Variants in ABCG8 observed in about 807,000 individuals in gnomAD.
ABCG8 encodes ATP-binding cassette sub-family G member 8.
A neutral mutation model predicts 71.3 loss-of-function variants in ABCG8; 81 were observed. That is an observed-to-expected ratio of 1.14 (90% confidence interval 0.95 to 1.37). The LOEUF is 1.37. Among genes scored for constraint, ABCG8 ranks in the 40% most tolerant of loss-of-function variants. The pLI, the probability that ABCG8 is intolerant of heterozygous loss-of-function variation, is 0.00. For synonymous variants in ABCG8, 451 were observed against 354.7 expected (o/e 1.27, Z -3.05); for missense variants, 1,119 against 866.2 (o/e 1.29, Z -3.66).
At chr2:43,874,290 T>G (rs570454802) in intron 9 of ABCG8, 117 bp from the exon 10 acceptor site, 5 of 965,632 alleles carry the variant, frequency 5.2e-6, no homozygotes, top group Non-Finnish European at 8.2e-6. Flanking sequence ...AAAAAAAAAA[T>G]TAGAGACTTG....
chr2:43,852,376 T>A lies in ABCG8; in HGVS notation c.584T>A (p.Leu195Gln), dbSNP rs1167870780. 10 of 1,612,148 alleles carry A rather than the reference T, an allele frequency of 6.2e-6. No homozygotes were observed. Among genetic ancestry groups the A allele is most frequent in the Non-Finnish European group, 8.5e-6 (10 of 1,180,026 alleles). Residue 195 changes from leucine to glutamine, a missense_variant, in exon 5 of 13, where the codon CTG becomes CAG. Coordinates refer to ENST00000272286, the MANE Select transcript of ABCG8 (RefSeq NM_022437.3). ...CAGGTGGAGGACGTGATCGCGGAGC[T>A]GCGGCTTAGGCAGTGCGCTGACACC... ...DKRVEDVIAELRLRQCADTRV... is the reference protein window; with the variant it reads ...DKRVEDVIAEQRLRQCADTRV...
Position 43,852,205 on chromosome 2 carries a change from T to C in ABCG8, c.562-149T>C, listed in dbSNP as rs1368293162. On this transcript the variant is annotated intron_variant, in intron 4 of 12. Coordinates refer to ENST00000272286, the MANE Select transcript of ABCG8 (RefSeq NM_022437.3). ...CTGTGGAAAGAATCAGGGGAACCAA[T>C]GTTGCAGCTTGGAACTCAAGTGCTG... 10 of 1,088,972 alleles carry C rather than the reference T, an allele frequency of 9.2e-6. No homozygotes were observed. The East Asian group carries it at 1.7e-4, about 19-fold the overall frequency. 67.5% of individuals were successfully genotyped at this position (1,088,972 alleles called of 1,614,324 possible). A position where few individuals can be genotyped will look rare whatever the true frequency, so the allele number is the denominator to read the frequency against.
chr2:43,846,719 C>A, intron 3 of ABCG8: 1 of 295,774 alleles, frequency 3.4e-6, no homozygotes, highest in Non-Finnish European at 6.6e-6. Flanking sequence ...GCCACACTCT[C>A]ACCTCTCAGA....
intron 3 of ABCG8, among the ~76,000 whole-genome samples, chr2:43,850,348 G>A (rs1443011232): frequency 2.0e-5 from 3 of 152,190 alleles, no homozygotes; most frequent in Admixed American, 6.5e-5. Context: ...GAGGCTCACC[G>A]AAAGTTTTTG....
intron 6 of ABCG8, among the ~76,000 whole-genome samples, chr2:43,854,430 C>A (rs946890762): frequency 6.6e-6 from 1 of 152,050 alleles, no homozygotes; most frequent in African/African-American, 2.4e-5. Flanking sequence ...GAGTTTGAGA[C>A]CAGCCTGGCC....
Position 43,838,981 on chromosome 2 carries a change from A to G in ABCG8, c.-73A>G, listed in dbSNP as rs1253940621. 1 of 1,471,594 alleles carries G rather than the reference A, an allele frequency of 6.8e-7. No individual in the cohort carries two copies. The highest frequency in any genetic ancestry group is 1.4e-5 in the African/African-American group (1 of 71,288). 91.2% of individuals were successfully genotyped at this position (1,471,594 alleles called of 1,614,324 possible). On this transcript the variant is annotated 5_prime_UTR_variant, in exon 1 of 13. Coordinates refer to ENST00000272286, the MANE Select transcript of ABCG8 (RefSeq NM_022437.3). This position sits in a 1 kb window ranked among gnomAD's most constrained non-coding sequence, Gnocchi z 4.2. ...TGTCCCTGCTCCAGGAAACAGAGTG[A>G]AGACACTGGCCCTGGCAGGCAGCAG...
intron 3 of ABCG8, among the ~76,000 whole-genome samples, chr2:43,849,195 T>C (rs926290347): frequency 6.6e-6 from 1 of 152,130 alleles, no homozygotes; most frequent in East Asian, 1.9e-4. Flanking sequence ...TTTGTCTTAG[T>C]TCATGGAAGG....
chr2:43,857,047 C>G (rs555736784), intron 6 of ABCG8, among the ~76,000 whole-genome samples: 19 of 151,818 alleles, frequency 1.3e-4, no homozygotes, highest in Non-Finnish European at 2.5e-4. Context: ...ATAACTCTCA[C>G]TAACTGTCTG....
chr2:43,865,430 T>C lies in ABCG8; in HGVS notation c.965-6546T>C, dbSNP rs577146218. 2.6e-5 allele frequency among the ~76,000 whole-genome samples: 4 copies of C among 152,028 alleles called. No individual in the cohort carries two copies. In the South Asian group the frequency reaches 6.2e-4, roughly 24 times the overall value. On this transcript the variant is annotated intron_variant, in intron 6 of 12. Coordinates refer to ENST00000272286, the MANE Select transcript of ABCG8 (RefSeq NM_022437.3). Reference sequence around the variant, plus strand: ...ATCTGTCTGGATAGAATTCTTACCATCTGGATAGAGCTCTCAGTATCTGGA... The same window carrying C: ...ATCTGTCTGGATAGAATTCTTACCACCTGGATAGAGCTCTCAGTATCTGGA...
intron 6 of ABCG8, among the ~76,000 whole-genome samples, chr2:43,861,484 A>G (rs1281940554): frequency 1.3e-5 from 2 of 150,922 alleles, no homozygotes; most frequent in Non-Finnish European, 1.5e-5. Context: ...CTCACTATCT[A>G]TCTGGATAGA....
chr2:43,875,068 C>T, intron 10 of ABCG8, 78 bp from the exon 11 acceptor site: 2 of 1,597,546 alleles, frequency 1.3e-6, no homozygotes, highest in Admixed American at 3.4e-5. Flanking sequence ...TATCTGGGGG[C>T]ACTGCTACTT....
At position 43,879,154 on chromosome 2, in the gene ABCG8, C is replaced by G. The variant is rs932835543; in HGVS notation, c.*1241C>G. The G allele has an allele frequency of 6.6e-6, 1 of 152,380 alleles. No individual in the cohort carries two copies. The highest frequency in any genetic ancestry group is 1.5e-5 in the Non-Finnish European group (1 of 68,224). 9.4% of individuals were successfully genotyped at this position (152,380 alleles called of 1,614,324 possible). A position where few individuals can be genotyped will look rare whatever the true frequency, so the allele number is the denominator to read the frequency against. ...CTGGGTTTCAGAACCAGCCTTGAAC[C>G]TTTCACAGTGGCCAGAGGATGGGGA... On this transcript the variant is annotated 3_prime_UTR_variant, in exon 13 of 13. Coordinates refer to ENST00000272286, the MANE Select transcript of ABCG8 (RefSeq NM_022437.3).
intron 12 of ABCG8, 28 bp from the exon 13 acceptor site, chr2:43,877,748 T>C (rs201206683): frequency 3.7e-6 from 6 of 1,614,128 alleles, no homozygotes; most frequent in Non-Finnish European, 5.1e-6. Flanking sequence ...ATCCTCCTCA[T>C]GAGCCCACTG....
intron 11 of ABCG8, among the ~76,000 whole-genome samples, 163 bp downstream of exon 11, chr2:43,875,576 G>A (rs1669935202): frequency 6.6e-6 from 1 of 152,242 alleles, no homozygotes; most frequent in Non-Finnish European, 1.5e-5. Context: ...CCAAAGGAAT[G>A]ATTCCATTAG....
At position 43,874,445 on chromosome 2, in the gene ABCG8, GACGGGCTGTACACC is replaced by G; in HGVS notation, c.1453_1466del (p.Gly485TrpfsTer112). 2 of 1,613,982 alleles carry G rather than the reference GACGGGCTGTACACC, an allele frequency of 1.2e-6. No homozygotes were observed. Among genetic ancestry groups the G allele is most frequent in the Non-Finnish European group, 1.7e-6 (2 of 1,179,926 alleles). Reference sequence around the variant, plus strand: ...GGCAATGCTTTACTATGAACTGGAAGACGGGCTGTACACCACTGGTCCATATTTCTTTGCCAAGG... The same window carrying G: ...GGCAATGCTTTACTATGAACTGGAAGACTGGTCCATATTTCTTTGCCAAGG... On this transcript the variant is annotated frameshift_variant, in exon 10 of 13. Transcript: ENST00000272286. LOFTEE classifies it high-confidence loss of function.
rs1668744911 is a variant in ABCG8 at position 43,846,399 on chromosome 2, C to CT, written c.322+91dup. The CT allele has an allele frequency of 1.9e-6, 3 of 1,564,402 alleles. No homozygotes were observed. The South Asian group carries it at 3.4e-5, about 18-fold the overall frequency. On this transcript the variant is annotated intron_variant, in intron 3 of 12. Transcript: ENST00000272286. ...ACAAATGGATGCTTCTTATGGAGCT[C>CT]TTTGCTGACTAGTAGAATAATACAG...
chr2:43,857,791 A>G (rs970680602), intron 6 of ABCG8, among the ~76,000 whole-genome samples: 1 of 151,110 alleles, frequency 6.6e-6, no homozygotes, highest in African/African-American at 2.4e-5. Flanking sequence ...TATAATTCCC[A>G]CTCTGTCGTT....
At chr2:43,844,455 T>G in intron 1 of ABCG8, 52 bp from the exon 2 acceptor site, 1 of 1,459,524 alleles carries the variant, frequency 6.9e-7, no homozygotes. Context: ...TGTCTTCTCC[T>G]ATGTTCTCAG....
In ABCG8 at chr2:43,879,514, T is replaced by C. The variant is rs985538747; in HGVS notation, c.*1601T>C. Reference sequence around the variant, plus strand: ...GTGATCTGTGCACATTCAAGCATGCTGCCGTTTTCCAAAGCACTTGCAACA... The same window carrying C: ...GTGATCTGTGCACATTCAAGCATGCCGCCGTTTTCCAAAGCACTTGCAACA... On this transcript the variant is annotated 3_prime_UTR_variant, in exon 13 of 13. Coordinates refer to ENST00000272286, the MANE Select transcript of ABCG8 (RefSeq NM_022437.3). 2 of 152,158 alleles carry C rather than the reference T, an allele frequency of 1.3e-5. No individual in the cohort carries two copies. The highest frequency in any genetic ancestry group is 1.3e-4 in the Admixed American group (2 of 15,274). The allele number at this position is 152,158 out of a possible 1,614,324, so 9.4% of individuals were successfully genotyped here. A position where few individuals can be genotyped will look rare whatever the true frequency, so the allele number is the denominator to read the frequency against.
Sources: allele counts gnomAD v4.1 joint callset (sites outside exome capture counted in the v4.1 genomes callset), GRCh38; gene constraint gnomAD v4.1.1; non-coding constraint Gnocchi (gnomAD v3.1); transcripts MANE v1.5; gene names NCBI Gene and HGNC (gene_info 2026-07-23, HGNC 2026-07-21).